AAK1: variants seen among roughly 807,000 people sequenced by gnomAD.
AAK1 encodes the protein AP2 associated kinase 1, also known as AP2-associated protein kinase 1.
Under a neutral mutation model 116.0 loss-of-function variants are expected in AAK1, and 37 were observed. That is an observed-to-expected ratio of 0.32 (90% CI 0.25 to 0.42). The LOEUF (loss-of-function observed/expected upper bound fraction) is 0.42. AAK1 is among the 10% of genes least tolerant of loss of function. AAK1 has a pLI of 1.00. For synonymous variants in AAK1, 458 were observed against 439.9 expected, an observed-to-expected ratio of 1.04 and a Z score of -0.51; for missense variants, 919 against 1,170.6, an observed-to-expected ratio of 0.79 and a Z score of 3.14.
At chr2:69,517,072 T>C (rs899054691) in intron 12 of AAK1, 9 of 152,146 alleles carry the variant, frequency 5.9e-5, no homozygotes, top group Non-Finnish European at 1.2e-4. Flanking sequence ...AAAAAAGCAA[T>C]GTATTCAAAG....
At chr2:69,531,471 T>C in intron 6 of AAK1, 5 of 540,828 alleles carry the variant, frequency 9.2e-6, no homozygotes, top group Non-Finnish European at 1.2e-5. Context: ...CTGTTGCCTG[T>C]AAAAAATCCA....
chr2:69,525,647 C>T (rs547752707), intron 9 of AAK1, among the ~76,000 whole-genome samples: 1 of 152,316 alleles, frequency 6.6e-6, no homozygotes, highest in African/African-American at 2.4e-5. Context: ...AGGCACTACT[C>T]AGTCCACAAG....
intron 3 of AAK1, among the ~76,000 whole-genome samples, chr2:69,552,151 T>TA (rs918765546): frequency 5.3e-5 from 8 of 150,816 alleles, no homozygotes; most frequent in South Asian, 4.2e-4. Flanking sequence ...AGTAAGAAAT[T>TA]AAAAAAAAAG....
At chr2:69,613,267 C>T (rs1195908280) in intron 2 of AAK1, among the ~76,000 whole-genome samples, 2 of 152,142 alleles carry the variant, frequency 1.3e-5, no homozygotes, top group South Asian at 2.1e-4. Flanking sequence ...TATATTTGGT[C>T]GTTGCCCCTG....
chr2:69,598,885 T>C (rs1673427657), intron 2 of AAK1: 1 of 299,384 alleles, frequency 3.3e-6, no homozygotes, highest in Non-Finnish European at 6.7e-6. Context: ...TTGCAGCCCA[T>C]GGCTTTTTTT....
At chr2:69,500,874 G>A (rs1675956822) in intron 16 of AAK1, among the ~76,000 whole-genome samples, 1 of 151,718 alleles carries the variant, frequency 6.6e-6, no homozygotes, top group Non-Finnish European at 1.5e-5. Flanking sequence ...TAAAACTGGG[G>A]TTGGTAGGGT....
chr2:69,515,910 A>C (rs1238412318), intron 12 of AAK1, among the ~76,000 whole-genome samples: 1 of 152,172 alleles, frequency 6.6e-6, no homozygotes, highest in East Asian at 1.9e-4. Flanking sequence ...TCAACAGGAG[A>C]CTGGCTGATT....
chr2:69,462,414 C>T lies in AAK1; in HGVS notation c.*13455G>A, dbSNP rs1406124414. 1 of 151,256 alleles carries T rather than the reference C, an allele frequency of 6.6e-6. No individual in the cohort carries two copies. Among genetic ancestry groups the T allele is most frequent in the Non-Finnish European group, 1.5e-5 (1 of 67,930 alleles). 9.4% of individuals were successfully genotyped at this position (151,256 alleles called of 1,614,324 possible). ...AGAATTTCTGGGCCAGGTGCGGTGGCTCACGCCTGTAATCCTAGCACTTTG... is the reference window on the plus strand; with the variant it reads ...AGAATTTCTGGGCCAGGTGCGGTGGTTCACGCCTGTAATCCTAGCACTTTG... On this transcript the variant is annotated 3_prime_UTR_variant, in exon 22 of 22. Transcript: ENST00000409085.
intron 8 of AAK1, among the ~76,000 whole-genome samples, chr2:69,529,487 G>A (rs1239561358): frequency 6.6e-6 from 1 of 152,000 alleles, no homozygotes; most frequent in African/African-American, 2.4e-5. Flanking sequence ...CCAAATAGTG[G>A]GGAATCTTAA....
chr2:69,630,234 C>T lies in AAK1; in HGVS notation c.163+12644G>A, dbSNP rs555063845. On this transcript the variant is annotated intron_variant, in intron 2 of 21. Coordinates refer to ENST00000409085, the MANE Select transcript of AAK1 (RefSeq NM_014911.5). ...AACTCCCTGACACACAGGTAGCTTT[C>T]AAGAGGTGAGAGTTTAAAAAACAAA... is the stretch of plus-strand genomic sequence containing the variant. Among the ~76,000 whole-genome samples the T allele has an allele frequency of 3.1e-3, 475 of 151,750 alleles. 1 individual carries two copies. The highest frequency in any genetic ancestry group is 6.8e-3 in the Middle Eastern group (2 of 294).
At chr2:69,512,251 AAG>A (rs1336093628) in intron 13 of AAK1, among the ~76,000 whole-genome samples, 1 of 152,218 alleles carries the variant, frequency 6.6e-6, no homozygotes, top group Non-Finnish European at 1.5e-5. Context: ...CAAGAAATGT[AAG>A]AATATAGAAA....
rs772084440 is a variant in AAK1 at position 69,509,419 on chromosome 2, G to C, written c.1818C>G (p.Thr606=). 2.5e-6 allele frequency: 4 copies of C among 1,613,778 alleles called. No individual in the cohort carries two copies. The highest frequency in any genetic ancestry group is 2.7e-5 in the African/African-American group (2 of 74,884). The part of the protein sequence containing the change: ...PVRQQPKVQT[T]PPPAVQGQKV... The stretch of plus-strand genomic sequence containing the variant: ...TCTGCCCCTGGACGGCAGGAGGTGG[G>C]GTTGTCTGAACCTTTGGCTGTTGTC... The change falls in exon 14 of 22, where the codon ACC becomes ACG. Residue 606 remains threonine (T), a synonymous_variant. Transcript: ENST00000409085.
At position 69,466,995 on chromosome 2, in the gene AAK1, C is replaced by T. The variant is rs759688598; in HGVS notation, c.*8874G>A. ...TCAGAATCTGGCATGTGGTCATCCG[C>T]GCCACATGCAGAGGGACAAACTCTC... On this transcript the variant is annotated 3_prime_UTR_variant, in exon 22 of 22. Transcript: ENST00000409085. 22 of 985,294 alleles carry T rather than the reference C, an allele frequency of 2.2e-5. No individual in the cohort carries two copies. The South Asian group carries it at 3.8e-4, about 17-fold the overall frequency. The allele number at this position is 985,294 out of a possible 1,614,324, so 61.0% of individuals were successfully genotyped here. A position where few individuals can be genotyped will look rare whatever the true frequency, so the allele number is the denominator to read the frequency against.
chr2:69,473,426 T>A lies in AAK1; in HGVS notation c.*2443A>T. The A allele has an allele frequency of 1.0e-6, 1 of 985,464 alleles. No individual in the cohort carries two copies. Among genetic ancestry groups the A allele is most frequent in the Non-Finnish European group, 1.2e-6 (1 of 829,936 alleles). The allele number at this position is 985,464 out of a possible 1,614,324, so 61.0% of individuals were successfully genotyped here. Reference sequence around the variant, plus strand: ...AAGGCTCCGTTTACCAAAGCACTCATATGTGTTCCTTAACAGAAAAATAGT... The same window carrying A: ...AAGGCTCCGTTTACCAAAGCACTCAAATGTGTTCCTTAACAGAAAAATAGT... On this transcript the variant is annotated 3_prime_UTR_variant, in exon 22 of 22. Transcript: ENST00000409085.
Position 69,461,087 on chromosome 2 carries a change from A to G in AAK1, c.*14782T>C, listed in dbSNP as rs745865907. ...CGATTCCATCAATGATGGACCACAT[A>G]TACCATGATGGTCCCATAAGATTAT... On this transcript the variant is annotated 3_prime_UTR_variant, in exon 22 of 22. Coordinates refer to ENST00000409085, the MANE Select transcript of AAK1 (RefSeq NM_014911.5). 5 of 152,234 alleles carry G rather than the reference A, an allele frequency of 3.3e-5. No individual in the cohort carries two copies. The highest frequency in any genetic ancestry group is 5.9e-5 in the Non-Finnish European group (4 of 68,048). The allele number at this position is 152,234 out of a possible 1,614,324, so 9.4% of individuals were successfully genotyped here.
chr2:69,469,019 T>C lies in AAK1; in HGVS notation c.*6850A>G, dbSNP rs1156338650. On this transcript the variant is annotated 3_prime_UTR_variant, in exon 22 of 22. Coordinates refer to ENST00000409085, the MANE Select transcript of AAK1 (RefSeq NM_014911.5). ...CAGAATATCAAGTTTGAAGGGAAAA[T>C]TAGTCTCCTGTCCTTCAAAACAAGG... 9 of 985,284 alleles carry C rather than the reference T, an allele frequency of 9.1e-6. No individual in the cohort carries two copies. Among genetic ancestry groups the C allele is most frequent in the Middle Eastern group, 5.2e-4 (1 of 1,936 alleles). 61.0% of individuals were successfully genotyped at this position (985,284 alleles called of 1,614,324 possible).
chr2:69,497,685 GA>G lies in AAK1; in HGVS notation c.2270-1606del, dbSNP rs111573375. 2.7e-3 allele frequency among the ~76,000 whole-genome samples: 398 copies of G among 144,856 alleles called. 2 individuals carry two copies. The highest frequency in any genetic ancestry group is 0.01 in the Middle Eastern group (3 of 290). On this transcript the variant is annotated intron_variant, in intron 16 of 21. Coordinates refer to ENST00000409085, the MANE Select transcript of AAK1 (RefSeq NM_014911.5). Reference sequence around the variant, plus strand: ...ATTTTGTTTGTCAGCTGTCTTTCTAGAAAAAAAAAAGCCTCATTTTGTTTCT... The same window carrying G: ...ATTTTGTTTGTCAGCTGTCTTTCTAGAAAAAAAAAGCCTCATTTTGTTTCT...
intron 2 of AAK1, among the ~76,000 whole-genome samples, chr2:69,570,478 G>C (rs865788873): frequency 2.0e-5 from 3 of 151,860 alleles, no homozygotes; most frequent in South Asian, 2.1e-4. Flanking sequence ...AGACAGACAA[G>C]GCAAAGAGGG....
At chr2:69,477,095 T>C (rs1023616489) in intron 20 of AAK1, 105 bp from the exon 21 acceptor site, 14 of 624,070 alleles carry the variant, frequency 2.2e-5, no homozygotes, top group Non-Finnish European at 3.2e-5. Context: ...AGCCCTGTTA[T>C]TTTCAAAGGT....
Sources: gnomAD v4.1 joint callset for allele counts (sites outside exome capture counted in the v4.1 genomes callset) on GRCh38, gnomAD v4.1.1 for gene constraint, MANE v1.5 for transcripts, NCBI Gene and HGNC (gene_info 2026-07-23, HGNC 2026-07-21) for gene names.